The following MAPKAPK2 variants were observed in gnomAD, a reference collection of about 807,000 sequenced individuals.
MAPKAPK2 encodes MAPK activated protein kinase 2.
A neutral mutation model predicts 48.8 loss-of-function variants in MAPKAPK2; 9 were observed. The observed-to-expected ratio is 0.18, with a 90% CI of 0.11 to 0.32. The LOEUF (loss-of-function observed/expected upper bound fraction) is 0.32, where lower values mean the gene tolerates loss of function less well. MAPKAPK2 is among the 10% of genes least tolerant of loss of function. The pLI is 1.00. For synonymous variants in MAPKAPK2, 202 were observed against 190.6 expected, an observed-to-expected ratio of 1.06 and a Z score of -0.49; for missense variants, 331 against 498.3, an observed-to-expected ratio of 0.66 and a Z score of 3.20.
intron 1 of MAPKAPK2, 148 bp downstream of exon 1, chr1:206,685,656 C>G (rs1385621657): frequency 1.8e-4 from 90 of 512,098 alleles, no homozygotes; most frequent in African/African-American, 1.7e-3. Context: ...CCGGCGGTGC[C>G]GAGTGCGGCG....
At chr1:206,690,829 G>A (rs1161211925) in intron 1 of MAPKAPK2, among the ~76,000 whole-genome samples, 1 of 152,168 alleles carries the variant, frequency 6.6e-6, no homozygotes, top group Non-Finnish European at 1.5e-5. Context: ...CTCTGAGCTG[G>A]GGTTCTTCCT....
chr1:206,727,788 AT>A (rs1213644775), intron 1 of MAPKAPK2, among the ~76,000 whole-genome samples: 1 of 151,836 alleles, frequency 6.6e-6, no homozygotes, highest in Non-Finnish European at 1.5e-5. Flanking sequence ...TGCCTGGCTA[AT>A]TTTTTTTGTA....
intron 1 of MAPKAPK2, among the ~76,000 whole-genome samples, chr1:206,705,876 G>T (rs1672935615): frequency 6.6e-6 from 1 of 152,196 alleles, no homozygotes; most frequent in Non-Finnish European, 1.5e-5. Flanking sequence ...CGACTCCTGA[G>T]AAATGACTGG....
intron 5 of MAPKAPK2, 32 bp downstream of exon 5, chr1:206,730,130 T>C: frequency 6.2e-7 from 1 of 1,612,758 alleles, no homozygotes; most frequent in Non-Finnish European, 8.5e-7. Flanking sequence ...GGACCTAGGC[T>C]TTTCCCAGAA....
intron 1 of MAPKAPK2, among the ~76,000 whole-genome samples, chr1:206,716,964 C>G (rs1673355642): frequency 6.6e-6 from 1 of 152,094 alleles, no homozygotes; most frequent in Admixed American, 6.6e-5. Context: ...TACAGTCTGC[C>G]CATTTAATTG....
At chr1:206,701,331 A>T (rs1178561936) in intron 1 of MAPKAPK2, among the ~76,000 whole-genome samples, 2 of 152,210 alleles carry the variant, frequency 1.3e-5, no homozygotes, top group African/African-American at 4.8e-5. Flanking sequence ...GTGGTTAGCT[A>T]GTGGCCACGG....
chr1:206,710,659 A>G (rs1673115063), intron 1 of MAPKAPK2, among the ~76,000 whole-genome samples: 1 of 152,266 alleles, frequency 6.6e-6, no homozygotes. Context: ...AAGAGGTCCC[A>G]GAGGAGGTGA....
intron 1 of MAPKAPK2, among the ~76,000 whole-genome samples, chr1:206,723,450 G>A (rs1673605786): frequency 1.3e-5 from 2 of 152,124 alleles, no homozygotes; most frequent in African/African-American, 4.8e-5. Context: ...TCCTATTAAT[G>A]GGTAAGGGAA....
intron 1 of MAPKAPK2, among the ~76,000 whole-genome samples, chr1:206,726,760 T>C (rs1367774132): frequency 2.0e-5 from 3 of 152,204 alleles, no homozygotes; most frequent in Non-Finnish European, 2.9e-5. Flanking sequence ...AGCTTCCCCA[T>C]CCTGTAAAAT....
At chr1:206,713,145 A>G (rs1420539317) in intron 1 of MAPKAPK2, among the ~76,000 whole-genome samples, 2 of 152,226 alleles carry the variant, frequency 1.3e-5, no homozygotes, top group Non-Finnish European at 2.9e-5. Context: ...TCCAAGAGGT[A>G]CATGGTCCAC....
At position 206,685,242 on chromosome 1, in the gene MAPKAPK2, T is replaced by C; in HGVS notation, c.13T>C (p.Ser5Pro). Residue 5 changes from serine to proline, a missense_variant, in exon 1 of 10, where the codon TCC becomes CCC. Ser to Pro is a moderately conservative substitution (Grantham distance 74, BLOSUM62 -1). Transcript: ENST00000367103. ...GTCCCCGGGCACCATGCTGTCCAACTCCCAGGGCCAGAGCCCGCCGGTGCC... is the reference window on the plus strand; with the variant it reads ...GTCCCCGGGCACCATGCTGTCCAACCCCCAGGGCCAGAGCCCGCCGGTGCC... The part of the protein sequence containing the change: MLSN[S>P]QGQSPPVPFP... 3.6e-6 allele frequency: 2 copies of C among 561,308 alleles called. No homozygotes were observed. The highest frequency in any genetic ancestry group is 4.0e-5 in the Admixed American group (1 of 24,976). 34.8% of individuals were successfully genotyped at this position (561,308 alleles called of 1,614,324 possible).
At chr1:206,685,578 C>T in intron 1 of MAPKAPK2, 70 bp downstream of exon 1, 1 of 1,293,548 alleles carries the variant, frequency 7.7e-7, no homozygotes, top group African/African-American at 1.6e-5. Flanking sequence ...CGTCGGGTGC[C>T]CGTCCCGGCC....
rs897085876 is a variant in MAPKAPK2 at position 206,687,994 on chromosome 1, A to C, written c.279+2486A>C. Among the ~76,000 whole-genome samples, 3 of 152,338 alleles carry C rather than the reference A, an allele frequency of 2.0e-5. No homozygotes were observed. The East Asian group carries it at 5.8e-4, about 29-fold the overall frequency. ...CTTAGATGCTCTCCTCTCTGCCTAT[A>C]GTCGGTGACCTCTTAGCCCTGTTAA... is the stretch of plus-strand genomic sequence containing the variant. On this transcript the variant is annotated intron_variant, in intron 1 of 9. Coordinates refer to ENST00000367103, the MANE Select transcript of MAPKAPK2 (RefSeq NM_032960.4).
chr1:206,721,974 A>G (rs927083009), intron 1 of MAPKAPK2, among the ~76,000 whole-genome samples: 21 of 152,120 alleles, frequency 1.4e-4, no homozygotes, highest in Admixed American at 1.2e-3. Context: ...CAGAGGCAGG[A>G]GAATCACTTG....
At chr1:206,688,870 G>T (rs551816065) in intron 1 of MAPKAPK2, among the ~76,000 whole-genome samples, 1 of 152,062 alleles carries the variant, frequency 6.6e-6, no homozygotes, top group Non-Finnish European at 1.5e-5. Flanking sequence ...TCCTGACCTC[G>T]TGATCTGCCT....
chr1:206,708,822 A>C (rs1572494892), intron 1 of MAPKAPK2, among the ~76,000 whole-genome samples: 1 of 152,134 alleles, frequency 6.6e-6, no homozygotes, highest in Non-Finnish European at 1.5e-5. Context: ...ATGTTTTCTC[A>C]CTGTAGATTA....
At chr1:206,712,521 G>A (rs962265392) in intron 1 of MAPKAPK2, among the ~76,000 whole-genome samples, 7 of 152,224 alleles carry the variant, frequency 4.6e-5, no homozygotes, top group African/African-American at 9.6e-5. Context: ...TAGTTTTGGC[G>A]TATATTTTCT....
chr1:206,734,011 AG>A lies in MAPKAPK2; in HGVS notation c.*1294del, dbSNP rs1674029351. The A allele has an allele frequency of 6.5e-6, 1 of 152,684 alleles. No homozygotes were observed. Among genetic ancestry groups the A allele is most frequent in the Non-Finnish European group, 1.5e-5 (1 of 68,096 alleles). 9.5% of individuals were successfully genotyped at this position (152,684 alleles called of 1,614,324 possible). ...GCCGGTGAGGGGAGGGGCCTCCCCC[AG>A]CACAGATGAGGAGCAGCTGGGGTAG... is the stretch of plus-strand genomic sequence containing the variant. On this transcript the variant is annotated 3_prime_UTR_variant, in exon 10 of 10. Coordinates refer to ENST00000367103, the MANE Select transcript of MAPKAPK2 (RefSeq NM_032960.4).
chr1:206,691,006 T>C (rs1388357953), intron 1 of MAPKAPK2, among the ~76,000 whole-genome samples: 1 of 152,218 alleles, frequency 6.6e-6, no homozygotes, highest in Non-Finnish European at 1.5e-5. Flanking sequence ...AGAAGAGTTG[T>C]TCTTTGCAGG....
Sources: gnomAD v4.1 joint callset for allele counts (sites outside exome capture counted in the v4.1 genomes callset) on GRCh38, gnomAD v4.1.1 for gene constraint, MANE v1.5 for transcripts, NCBI Gene and HGNC (gene_info 2026-07-23, HGNC 2026-07-21) for gene names.